The following PHF8 variants were observed in gnomAD, a reference collection of about 807,000 sequenced individuals.
The protein encoded by PHF8 is PHD finger protein 8.
PHF8 carries 9 observed loss-of-function variants against 74.4 expected under a neutral mutation model. That is an observed-to-expected ratio of 0.12 (90% CI 0.07 to 0.21). The LOEUF (loss-of-function observed/expected upper bound fraction) is 0.21. Ranked by LOEUF, PHF8 falls within the 10% of genes least tolerant of loss-of-function variation. The pLI is 1.00. For missense variants in PHF8, 478 were observed against 816.6 expected, an observed-to-expected ratio of 0.59 and a Z score of 5.05; for synonymous variants, 311 against 316.6, an observed-to-expected ratio of 0.98 and a Z score of 0.19.
chrX:54,035,433 T>TAC (rs2066436362), intron 2 of PHF8, among the ~76,000 whole-genome samples: 1 of 106,700 alleles, frequency 9.4e-6, no homozygotes, highest in Non-Finnish European at 1.9e-5. Flanking sequence ...CAGTTGCTTA[T>TAC]GGTAAGTTAT....
At chrX:54,016,882 G>A (rs1569528773) in intron 5 of PHF8, 146 bp from the exon 6 acceptor site, 2 of 499,395 alleles carry the variant, frequency 4.0e-6, no homozygotes. Flanking sequence ...TGTTTGGGGG[G>A]CAGGGGAAGG....
chrX:54,034,823 CAAAA>C (rs1235099588), intron 2 of PHF8, among the ~76,000 whole-genome samples: 12 of 17,616 alleles, frequency 6.8e-4, no homozygotes, highest in Admixed American at 1.7e-3. Context: ...GACTTCGTCT[CAAAA>C]AAAAAAAAAA....
At chrX:53,968,304 A>G (rs782637750) in intron 18 of PHF8, among the ~76,000 whole-genome samples, 39 of 112,007 alleles carry the variant, frequency 3.5e-4, no homozygotes, top group Non-Finnish European at 6.8e-4. Context: ...ATGAACAACT[A>G]TACACCAACA....
intron 2 of PHF8, chrX:54,039,673 A>T (rs1017834122): frequency 1.8e-5 from 2 of 112,312 alleles, no homozygotes; most frequent in Non-Finnish European, 3.7e-5. Context: ...TCATATCAAG[A>T]TGCAAAACCT....
At chrX:54,044,708 T>C (rs184344468), upstream of PHF8, among the ~76,000 whole-genome samples, 3 of 112,627 alleles carry the variant, frequency 2.7e-5, no homozygotes, top group Non-Finnish European at 3.8e-5. Context: ...CTTCCTAGCC[T>C]TCCCCCTCCT....
chrX:54,000,254 G>C (rs1161081330), intron 10 of PHF8, among the ~76,000 whole-genome samples: 1 of 112,065 alleles, frequency 8.9e-6, no homozygotes, highest in African/African-American at 3.2e-5. Context: ...CACACACCTA[G>C]CAAGTGCTAG....
chrX:54,048,188 CAAA>C (rs10709409), upstream of PHF8, among the ~76,000 whole-genome samples: 9 of 86,794 alleles, frequency 1.0e-4, no homozygotes, highest in African/African-American at 8.6e-5. Context: ...GACTCCATCT[CAAA>C]AAAAAAAAAA....
In PHF8 at chrX:53,936,916, C is replaced by T. The variant is rs2064678012; in HGVS notation, c.*2242G>A. The T allele has an allele frequency of 9.0e-6, 1 of 110,625 alleles. No homozygotes were observed. Among genetic ancestry groups the T allele is most frequent in the South Asian group, 3.9e-4 (1 of 2,556 alleles). The allele number at this position is 110,625 out of a possible 1,213,427, so 9.1% of individuals were successfully genotyped here. A position where few individuals can be genotyped will look rare whatever the true frequency, so the allele number is the denominator to read the frequency against. On this transcript the variant is annotated 3_prime_UTR_variant, in exon 22 of 22. Coordinates refer to ENST00000338154, the MANE Select transcript of PHF8 (RefSeq NM_015107.3). ...GGTGGGCTTGTTTTTAAATTGTTTG[C>T]TTTTTTTGTAAAAATATATTAAAGG...
chrX:54,000,097 T>C (rs1167938812), intron 10 of PHF8, 136 bp from the exon 11 acceptor site: 13 of 510,875 alleles, frequency 2.5e-5, no homozygotes, highest in Non-Finnish European at 3.9e-5. Flanking sequence ...CTTCTGATAG[T>C]GTTCATTCAC....
chrX:54,020,109 C>T (rs962259632), intron 4 of PHF8, among the ~76,000 whole-genome samples: 7 of 111,615 alleles, frequency 6.3e-5, no homozygotes, highest in Non-Finnish European at 1.1e-4. Flanking sequence ...TCGCTTGAAC[C>T]CAGGAGGCGG....
intron 2 of PHF8, among the ~76,000 whole-genome samples, chrX:54,031,564 C>T (rs782592043): frequency 9.3e-6 from 1 of 107,062 alleles, no homozygotes; most frequent in South Asian, 4.2e-4. Context: ...GACATGCACA[C>T]AGACAGACTG....
intron 20 of PHF8, 122 bp downstream of exon 20, chrX:53,944,012 T>A (rs1236117893): frequency 3.9e-6 from 2 of 509,059 alleles, no homozygotes; most frequent in African/African-American, 4.6e-5. Flanking sequence ...AGGATAAAGA[T>A]CAAAGGTTAC....
chrX:53,940,467 A>T lies in PHF8; in HGVS notation c.2699T>A (p.Leu900Gln). ...KKKYIKKKPLLKEVEQPRPQD... is the reference protein window; with the variant it reads ...KKKYIKKKPLQKEVEQPRPQD... ...AGGGCGAGGCTGTTCTACCTCCTTC[A>T]GCAAAGGCTTCTTCTTGATATATTT... Residue 900 changes from leucine to glutamine, a missense_variant, in exon 21 of 22, where the codon CTG (leucine) becomes CAG (glutamine). Leu to Gln is a moderately radical substitution (Grantham distance 113). Coordinates refer to ENST00000338154, the MANE Select transcript of PHF8 (RefSeq NM_015107.3). 1 of 1,209,570 alleles carries T rather than the reference A, an allele frequency of 8.3e-7. No individual in the cohort carries two copies. The highest frequency in any genetic ancestry group is 1.1e-6 in the Non-Finnish European group (1 of 893,971).
chrX:54,015,575 C>CA (rs202093690), intron 6 of PHF8, among the ~76,000 whole-genome samples: 2,593 of 32,723 alleles, frequency 0.079, 267 homozygotes, highest in African/African-American at 0.28. Flanking sequence ...AACTCCGTCT[C>CA]AAAAAAAAAA....
intron 19 of PHF8, among the ~76,000 whole-genome samples, chrX:53,954,237 C>T (rs1050909639): frequency 1.8e-5 from 2 of 110,827 alleles, no homozygotes; most frequent in East Asian, 5.7e-4. Context: ...TGGTGGCTCA[C>T]GCCTGTAATC....
chrX:53,969,227 T>C (rs1557093926), intron 18 of PHF8, among the ~76,000 whole-genome samples: 1 of 110,705 alleles, frequency 9.0e-6, no homozygotes, highest in Non-Finnish European at 1.9e-5. Context: ...AGAACGAGAC[T>C]CTGTCTCAAA....
At chrX:53,992,169 T>C (rs1228850708) in intron 14 of PHF8, among the ~76,000 whole-genome samples, 1 of 112,410 alleles carries the variant, frequency 8.9e-6, no homozygotes, top group East Asian at 2.8e-4. Flanking sequence ...TTTAAAAATA[T>C]ACCTTGAACA....
intron 18 of PHF8, among the ~76,000 whole-genome samples, chrX:53,967,197 T>G (rs2065210773): frequency 9.9e-6 from 1 of 100,564 alleles, no homozygotes; most frequent in Admixed American, 1.0e-4. Flanking sequence ...GGGGCGCCTC[T>G]GCCCGGCCGC....
intron 18 of PHF8, among the ~76,000 whole-genome samples, chrX:53,983,426 G>C (rs1352326330): frequency 9.0e-6 from 1 of 111,346 alleles, no homozygotes; most frequent in African/African-American, 3.3e-5. Flanking sequence ...GAATAAAGAA[G>C]AGTCAATAAA....
Sources: allele counts gnomAD v4.1 joint callset (sites outside exome capture counted in the v4.1 genomes callset), GRCh38; gene constraint gnomAD v4.1.1; transcripts MANE v1.5; gene names NCBI Gene and HGNC (gene_info 2026-07-23, HGNC 2026-07-21).